Variants in SAMTOR observed in about 807,000 individuals in gnomAD.
SAMTOR encodes UPF0532 protein C7orf60.
At chr7:112,858,062 G>A in the SAMTOR span, among the ~76,000 whole-genome samples, 1 of 152,086 alleles carries the variant, frequency 6.6e-6, no homozygotes, top group East Asian at 1.9e-4. Context: ...TGGGTTAGGA[G>A]GCAGGACCAC....
the SAMTOR span, among the ~76,000 whole-genome samples, chr7:112,860,848 C>T: frequency 1.4e-5 from 2 of 141,894 alleles, no homozygotes; most frequent in African/African-American, 5.4e-5. Context: ...GGAGGCGGAG[C>T]TTGCAGTGAG....
chr7:112,921,690 C>T, the SAMTOR span, among the ~76,000 whole-genome samples: 1 of 142,032 alleles, frequency 7.0e-6, no homozygotes, highest in South Asian at 2.4e-4. Context: ...ATTTTCGCAA[C>T]CTACTCATCT....
chr7:112,911,911 C>T, the SAMTOR span, among the ~76,000 whole-genome samples: 2 of 151,670 alleles, frequency 1.3e-5, no homozygotes, highest in South Asian at 4.1e-4. Context: ...GGATATTCTA[C>T]AAATTAACTG....
chr7:112,887,634 T>C, the SAMTOR span, among the ~76,000 whole-genome samples: 3 of 152,254 alleles, frequency 2.0e-5, no homozygotes, highest in South Asian at 6.2e-4. Context: ...AGATATAGGC[T>C]TTCCATATTA....
the SAMTOR span, among the ~76,000 whole-genome samples, chr7:112,927,324 GACA>G: frequency 2.6e-5 from 4 of 151,876 alleles, no homozygotes; most frequent in Non-Finnish European, 5.9e-5. Flanking sequence ...TATTTAAAAG[GACA>G]ACATTTTTTC....
At chr7:112,862,762 C>T in the SAMTOR span, among the ~76,000 whole-genome samples, 1 of 152,034 alleles carries the variant, frequency 6.6e-6, no homozygotes, top group Non-Finnish European at 1.5e-5. Context: ...AACCCTGTCT[C>T]TACTAAAGAT....
chr7:112,921,955 C>G, the SAMTOR span, among the ~76,000 whole-genome samples: 2 of 151,080 alleles, frequency 1.3e-5, no homozygotes, highest in African/African-American at 4.9e-5. Context: ...CCCTCTCCCT[C>G]TCCCTCTCCC....
At chr7:112,870,889 T>C in the SAMTOR span, among the ~76,000 whole-genome samples, 5 of 152,132 alleles carry the variant, frequency 3.3e-5, no homozygotes, top group African/African-American at 4.8e-5. Context: ...ACTATTCTTT[T>C]ATCAGATAAA....
At chr7:112,920,415 A>T in the SAMTOR span, among the ~76,000 whole-genome samples, 2 of 149,984 alleles carry the variant, frequency 1.3e-5, no homozygotes, top group Non-Finnish European at 3.0e-5. Context: ...CATGCTAAAA[A>T]CTCTCAATAA....
the SAMTOR span, chr7:112,939,699 A>G: frequency 6.2e-7 from 1 of 1,610,838 alleles, no homozygotes; most frequent in Non-Finnish European, 8.5e-7. Flanking sequence ...GTGTTCGGGG[A>G]CCCGGCCCTC....
At chr7:112,834,139 A>G in the SAMTOR span, among the ~76,000 whole-genome samples, 6 of 152,348 alleles carry the variant, frequency 3.9e-5, no homozygotes, top group Non-Finnish European at 7.3e-5. Flanking sequence ...GTACAGTAGT[A>G]CACTTAAGAC....
At chr7:112,885,179 G>C in the SAMTOR span, among the ~76,000 whole-genome samples, 1 of 152,164 alleles carries the variant, frequency 6.6e-6, no homozygotes, top group African/African-American at 2.4e-5. Flanking sequence ...GGGGGGCCCT[G>C]GGATCAGCCC....
chr7:112,938,130 A>G, the SAMTOR span, among the ~76,000 whole-genome samples: 2 of 152,192 alleles, frequency 1.3e-5, no homozygotes, highest in African/African-American at 4.8e-5. Flanking sequence ...CATAAAATCT[A>G]CAGTGAATTC....
At chr7:112,913,416 A>C in the SAMTOR span, among the ~76,000 whole-genome samples, 1 of 152,090 alleles carries the variant, frequency 6.6e-6, no homozygotes, top group Non-Finnish European at 1.5e-5. Context: ...TCATTCACCA[A>C]CTGTTTAACT....
chr7:112,901,433 G>T, the SAMTOR span, among the ~76,000 whole-genome samples: 3 of 152,246 alleles, frequency 2.0e-5, no homozygotes, highest in Admixed American at 6.5e-5. Flanking sequence ...CCCCCAGATG[G>T]GACTGGCTAA....
chr7:112,854,067 A>G, the SAMTOR span, among the ~76,000 whole-genome samples: 1 of 152,094 alleles, frequency 6.6e-6, no homozygotes, highest in Admixed American at 6.5e-5. Flanking sequence ...GAAGTGGGTA[A>G]AATTTATTAC....
chr7:112,845,978 T>A, the SAMTOR span, among the ~76,000 whole-genome samples: 1 of 151,982 alleles, frequency 6.6e-6, no homozygotes, highest in Non-Finnish European at 1.5e-5. Flanking sequence ...GAAAACCAAA[T>A]AGTGCATGTT....
At chr7:112,870,705 C>T in the SAMTOR span, among the ~76,000 whole-genome samples, 1 of 150,420 alleles carries the variant, frequency 6.6e-6, no homozygotes, top group African/African-American at 2.5e-5. Flanking sequence ...TTGAATGTAA[C>T]TGACCTAAAT....
the SAMTOR span, among the ~76,000 whole-genome samples, chr7:112,893,958 GT>G: frequency 6.6e-6 from 1 of 152,216 alleles, no homozygotes; most frequent in South Asian, 2.1e-4. Flanking sequence ...TCACAACTCA[GT>G]TAATTCTTTG....
Sources: allele counts gnomAD v4.1 joint callset (sites outside exome capture counted in the v4.1 genomes callset), GRCh38; gene constraint gnomAD v4.1.1; transcripts MANE v1.5; gene names NCBI Gene and HGNC (gene_info 2026-07-23, HGNC 2026-07-21).